The following FRY variants were observed in gnomAD, a reference collection of about 807,000 sequenced individuals.
FRY encodes FRY microtubule binding protein.
FRY carries 128 observed loss-of-function variants against 348.4 expected under a neutral mutation model. That is an observed-to-expected ratio of 0.37 (90% CI 0.32 to 0.43). FRY has a LOEUF of 0.43. FRY is among the 20% of genes least tolerant of loss of function. FRY has a pLI of 1.00. For missense variants in FRY, 2,736 were observed against 3,695.2 expected (o/e 0.74, Z 6.73); for synonymous variants, 1,370 against 1,374.7 (o/e 1.00, Z 0.08).
At chr13:32,146,859 G>A (rs1880490222) in intron 11 of FRY, among the ~76,000 whole-genome samples, 1 of 152,178 alleles carries the variant, frequency 6.6e-6, no homozygotes, top group Non-Finnish European at 1.5e-5. Flanking sequence ...ATATTGGAGG[G>A]TAATCAGATG....
rs756144248 is a variant in FRY, at chr13:32,232,489, AG to A, written c.5527+1191del. On this transcript the variant is annotated intron_variant, in intron 41 of 60. Transcript: ENST00000542859. ...GAGCTCAGAGGCTTAACACAACAGA[AG>A]GTTATTCCTGGGTCCTGTAACAGTT... is the stretch of plus-strand genomic sequence containing the variant. 2.6e-5 allele frequency among the ~76,000 whole-genome samples: 4 copies of A among 152,320 alleles called. No individual in the cohort carries two copies. In the South Asian group the frequency reaches 6.2e-4, roughly 24 times the overall value.
intron 40 of FRY, among the ~76,000 whole-genome samples, chr13:32,229,210 G>T (rs191843800): frequency 6.6e-6 from 1 of 152,192 alleles, no homozygotes; most frequent in African/African-American, 2.4e-5. Context: ...AAGTGGTACT[G>T]GTTAGGTCTT....
intron 1 of FRY, among the ~76,000 whole-genome samples, chr13:32,066,133 G>A (rs1474384110): frequency 6.6e-6 from 1 of 152,018 alleles, no homozygotes. Context: ...TGCTTAAATC[G>A]GGGTTCAAAC....
chr13:32,282,777 A>G (rs553755177), intron 58 of FRY, among the ~76,000 whole-genome samples: 47 of 152,226 alleles, frequency 3.1e-4, no homozygotes, highest in Non-Finnish European at 6.6e-4. Flanking sequence ...CTTGTGAACT[A>G]TAACCAATTC....
chr13:32,218,792 T>A lies in FRY; in HGVS notation c.4726T>A (p.Tyr1576Asn), dbSNP rs1230845595. 6.2e-7 allele frequency: 1 copy of A among 1,607,280 alleles called. No homozygotes were observed. The change falls in exon 36 of 61, where the codon TAC (tyrosine) becomes AAC (asparagine). Residue 1576 changes from tyrosine (Y) to asparagine (N), a missense_variant. Transcript: ENST00000542859. ...IRAHTRLESR[Y>N]SNSSGGSYDE... is the part of the protein sequence containing the mutation. The stretch of plus-strand genomic sequence containing the variant: ...AGCCCACACTCGCCTCGAGTCAAGA[T>A]ACAGCAATAGCTCTGGAGGATCCTA...
intron 1 of FRY, among the ~76,000 whole-genome samples, chr13:32,052,521 AT>A (rs1456473283): frequency 3.3e-5 from 5 of 152,242 alleles, no homozygotes; most frequent in Admixed American, 3.3e-4. Context: ...ATTTTATCTA[AT>A]TCAATATATC....
chr13:32,115,820 C>T (rs993831410), intron 3 of FRY, among the ~76,000 whole-genome samples: 2 of 151,884 alleles, frequency 1.3e-5, no homozygotes, highest in Non-Finnish European at 2.9e-5. Flanking sequence ...CCTAAGAACC[C>T]CTGGTTTTCA....
At chr13:32,224,491 T>C in intron 37 of FRY, 106 bp downstream of exon 37, 1 of 1,014,836 alleles carries the variant, frequency 9.9e-7, no homozygotes, top group African/African-American at 1.6e-5. Context: ...AATTATCTTA[T>C]CAATCAGTGG....
At chr13:32,128,495 C>G (rs1482885904) in intron 7 of FRY, among the ~76,000 whole-genome samples, 3 of 152,144 alleles carry the variant, frequency 2.0e-5, no homozygotes, top group Non-Finnish European at 4.4e-5. Context: ...CTTGTTTTAT[C>G]TTCCTAATTA....
intron 28 of FRY, 62 bp from the exon 29 acceptor site, chr13:32,194,081 A>T: frequency 6.8e-7 from 1 of 1,471,224 alleles, no homozygotes; most frequent in Non-Finnish European, 9.5e-7. Context: ...CTTTATCTGT[A>T]TCTTTCTCTA....
At chr13:32,284,438 T>A (rs79034689) in intron 58 of FRY, among the ~76,000 whole-genome samples, 84 of 152,348 alleles carry the variant, frequency 5.5e-4, no homozygotes, top group African/African-American at 2.0e-3. Context: ...TCAGATATAG[T>A]CAATCAGTCT....
chr13:32,231,451 A>G, intron 41 of FRY, 151 bp downstream of exon 41: 1 of 777,192 alleles, frequency 1.3e-6, no homozygotes, highest in Non-Finnish European at 2.3e-6. Flanking sequence ...GCTTGTTCAG[A>G]TGCTGCCTAA....
chr13:32,039,539 G>C (rs1048663109), intron 1 of FRY, among the ~76,000 whole-genome samples: 3 of 151,814 alleles, frequency 2.0e-5, no homozygotes, highest in Non-Finnish European at 2.9e-5. Context: ...ATATATTTCC[G>C]TAAGTTAAAT....
At chr13:32,160,335 A>G (rs1881369815) in intron 16 of FRY, among the ~76,000 whole-genome samples, 1 of 152,216 alleles carries the variant, frequency 6.6e-6, no homozygotes, top group African/African-American at 2.4e-5. Context: ...GCTGTTATAT[A>G]TTATCACTTG....
In FRY at chr13:32,131,665, T is replaced by G. The variant is rs774547433; in HGVS notation, c.717-7T>G. The G allele has an allele frequency of 6.2e-7, 1 of 1,610,708 alleles. No homozygotes were observed. The highest frequency in any genetic ancestry group is 1.1e-5 in the South Asian group (1 of 90,998). On this transcript the variant is annotated splice_polypyrimidine_tract_variant and splice_region_variant and intron_variant, in intron 7 of 60. Coordinates refer to ENST00000542859, the MANE Select transcript of FRY (RefSeq NM_023037.3). ...TATTTGATAAACCACTTATGTTATCTTCTTAGATTCCCTGCTGTAAAGAAG... is the reference window on the plus strand; with the variant it reads ...TATTTGATAAACCACTTATGTTATCGTCTTAGATTCCCTGCTGTAAAGAAG...
In FRY at chr13:32,247,306, T is replaced by G. The variant is rs1886861373; in HGVS notation, c.6829-17T>G. The G allele has an allele frequency of 6.3e-7, 1 of 1,599,430 alleles. No homozygotes were observed. Among genetic ancestry groups the G allele is most frequent in the East Asian group, 2.2e-5 (1 of 44,766 alleles). On this transcript the variant is annotated splice_polypyrimidine_tract_variant and intron_variant, in intron 47 of 60. Coordinates refer to ENST00000542859, the MANE Select transcript of FRY (RefSeq NM_023037.3). Reference sequence around the variant, plus strand: ...AATTAAATTATTTTTAACCCTTGAATGTTTTATTTCCTGCAGAGTGTTCAC... The same window carrying G: ...AATTAAATTATTTTTAACCCTTGAAGGTTTTATTTCCTGCAGAGTGTTCAC...
chr13:32,087,028 G>A (rs1292206513), intron 2 of FRY, among the ~76,000 whole-genome samples: 1 of 152,180 alleles, frequency 6.6e-6, no homozygotes, highest in Non-Finnish European at 1.5e-5. Context: ...TGCTAACTGT[G>A]TCATGCTGGA....
At chr13:32,266,738 C>T (rs1289076010) in intron 54 of FRY, among the ~76,000 whole-genome samples, 9 of 152,204 alleles carry the variant, frequency 5.9e-5, no homozygotes, top group Non-Finnish European at 1.3e-4. Flanking sequence ...AATCCTGCCA[C>T]TTTGGGAGGC....
At chr13:32,211,104 G>T (rs1412060334) in intron 34 of FRY, 70 bp downstream of exon 34, 11 of 1,383,986 alleles carry the variant, frequency 7.9e-6, no homozygotes, top group Admixed American at 1.7e-5. Flanking sequence ...ATTCCTGAAA[G>T]GATATGAGAA....
Sources: allele counts gnomAD v4.1 joint callset (sites outside exome capture counted in the v4.1 genomes callset), GRCh38; gene constraint gnomAD v4.1.1; transcripts MANE v1.5; gene names NCBI Gene and HGNC (gene_info 2026-07-23, HGNC 2026-07-21).